Variants in DGKE observed in about 807,000 individuals in gnomAD.
The protein encoded by DGKE is diacylglycerol kinase epsilon, also known as DAG kinase epsilon.
In DGKE, 53 loss-of-function variants were observed where a neutral mutation model predicts 70.0. The ratio of observed to expected loss-of-function variants is 0.76; its 90% confidence interval spans 0.61 to 0.95. The LOEUF (loss-of-function observed/expected upper bound fraction) is 0.95. Ranked by LOEUF, DGKE falls within the 40% of genes least tolerant of loss-of-function variation. The pLI is 0.00. For synonymous variants in DGKE, 291 were observed against 257.0 expected (o/e 1.13, Z -1.27); for missense variants, 655 against 706.9 (o/e 0.93, Z 0.83).
chr17:56,869,042 T>TAAA lies in DGKE; in HGVS notation c.*6253_*6254insAAA, dbSNP rs1908643654. The TAAA allele has an allele frequency of 3.7e-5, 2 of 53,694 alleles. No homozygotes were observed. Among genetic ancestry groups the TAAA allele is most frequent in the South Asian group, 9.0e-4 (2 of 2,224 alleles). The allele number at this position is 53,694 out of a possible 1,614,324, so 3.3% of individuals were successfully genotyped here. A position where few individuals can be genotyped will look rare whatever the true frequency, so the allele number is the denominator to read the frequency against. On this transcript the variant is annotated 3_prime_UTR_variant, in exon 12 of 12. Transcript: ENST00000284061. ...AAACCCAGCCTCTACTACTGTAACT[T>TAAA]AACACTTGTTCTTCCTGAGCCTCAA...
At chr17:56,859,169 A>G (rs1479583703) in intron 9 of DGKE, among the ~76,000 whole-genome samples, 2 of 151,318 alleles carry the variant, frequency 1.3e-5, no homozygotes, top group African/African-American at 2.4e-5. Context: ...ATACAAAAAA[A>G]AAAAAATTAG....
chr17:56,844,141 A>G lies in DGKE; in HGVS notation c.587A>G (p.Asn196Ser). 6.4e-7 allele frequency: 1 copy of G among 1,562,518 alleles called. No homozygotes were observed. Among genetic ancestry groups the G allele is most frequent in the Non-Finnish European group, 8.6e-7 (1 of 1,159,246 alleles). ...CCACCAAGTTATTTAACATCCATTA[A>G]TCAGATGCGTAAAGACAAAAAAACA... ...IIPPSYLTSI[N>S]QMRKDKKTDY... The change falls in exon 3 of 12, where the codon AAT (asparagine) becomes AGT (serine). Residue 196 changes from asparagine to serine, a missense_variant. Physicochemically the swap from Asn to Ser is conservative, Grantham distance 46 (BLOSUM62 1). Coordinates refer to ENST00000284061, the MANE Select transcript of DGKE (RefSeq NM_003647.3).
intron 9 of DGKE, among the ~76,000 whole-genome samples, chr17:56,859,425 T>C (rs1598047376): frequency 6.6e-6 from 1 of 151,528 alleles, no homozygotes; most frequent in Non-Finnish European, 1.5e-5. Context: ...GATATGGCAG[T>C]CTTTTTTTTT....
chr17:56,848,816 C>T lies in DGKE; in HGVS notation c.1009C>T (p.Arg337Ter), dbSNP rs762576212. The T allele has an allele frequency of 2.5e-6, 4 of 1,613,866 alleles. No homozygotes were observed. Among genetic ancestry groups the T allele is most frequent in the East Asian group, 2.2e-5 (1 of 44,874 alleles). ...AGAAATTCCAGTTGCGCAGGTTTTG[C>T]GAAATGTAATGGAAGCAGATGGAAT... ...AGEIPVAQVL[R>*]NVMEADGIKL... The change falls in exon 6 of 12, where the codon CGA becomes TGA. Residue 337 changes from arginine (R) to a stop codon, truncating the protein, a stop_gained. Transcript: ENST00000284061. LOFTEE classifies it high-confidence loss of function.
chr17:56,848,262 A>G (rs1567815915), intron 5 of DGKE, among the ~76,000 whole-genome samples, 197 bp downstream of exon 5: 1 of 152,052 alleles, frequency 6.6e-6, no homozygotes, highest in Non-Finnish European at 1.5e-5. Flanking sequence ...GGTTCAAGCC[A>G]TCCTCCCACC....
At chr17:56,840,951 G>C (rs1192830556) in intron 2 of DGKE, among the ~76,000 whole-genome samples, 1 of 149,820 alleles carries the variant, frequency 6.7e-6, no homozygotes, top group Non-Finnish European at 1.5e-5. Context: ...GTGAGACACT[G>C]TCTCTTAAAA....
At chr17:56,853,862 C>T (rs1380039212) in intron 7 of DGKE, among the ~76,000 whole-genome samples, 1 of 151,862 alleles carries the variant, frequency 6.6e-6, no homozygotes, top group Non-Finnish European at 1.5e-5. Context: ...TCCATGCTGC[C>T]ATGTTCATTG....
chr17:56,848,112 T>G (rs761174038), intron 5 of DGKE, 47 bp downstream of exon 5: 32 of 1,022,944 alleles, frequency 3.1e-5, no homozygotes, highest in Non-Finnish European at 3.9e-5. Context: ...AAGATAAATA[T>G]ACTATACATA....
intron 7 of DGKE, among the ~76,000 whole-genome samples, chr17:56,853,343 CATATCAAACAA>C (rs1452583707): frequency 6.6e-6 from 1 of 152,166 alleles, no homozygotes; most frequent in African/African-American, 2.4e-5. Context: ...CTTTTGAGAT[CATATCAAACAA>C]ATATCAAACA....
intron 7 of DGKE, 63 bp downstream of exon 7, chr17:56,849,295 G>T: frequency 6.9e-7 from 1 of 1,459,166 alleles, no homozygotes; most frequent in Non-Finnish European, 9.4e-7. Context: ...ACGGCACTCT[G>T]TGGTGGGATA....
At chr17:56,852,903 A>G (rs1351533017) in intron 7 of DGKE, among the ~76,000 whole-genome samples, 1 of 152,112 alleles carries the variant, frequency 6.6e-6, no homozygotes, top group Non-Finnish European at 1.5e-5. Context: ...ATTTTTTTGG[A>G]TTTTGGAATA....
At position 56,835,176 on chromosome 17, in the gene DGKE, G is replaced by A. The variant is rs1488289743; in HGVS notation, c.381G>A (p.Trp127Ter). 1.2e-6 allele frequency: 2 copies of A among 1,613,972 alleles called. No homozygotes were observed. The highest frequency in any genetic ancestry group is 1.7e-6 in the Non-Finnish European group (2 of 1,180,044). ...TCCTGGACGCCATGCCCCACCACTG[G>A]ATCCGGGGCAACGTGCCCCTGTGCA... is the stretch of plus-strand genomic sequence containing the variant. ...TKVLDAMPHH[W>*]IRGNVPLCSY... is the part of the protein sequence containing the mutation. The change falls in exon 2 of 12, where the codon TGG (tryptophan) becomes TGA (stop). Residue 127 changes from tryptophan (W) to a stop codon, truncating the protein, a stop_gained. Coordinates refer to ENST00000284061, the MANE Select transcript of DGKE (RefSeq NM_003647.3). LOFTEE classifies it high-confidence loss of function.
chr17:56,844,249 A>C (rs753380196), intron 3 of DGKE, 71 bp downstream of exon 3: 153 of 1,047,286 alleles, frequency 1.5e-4, no homozygotes, highest in Middle Eastern at 3.4e-4. Flanking sequence ...TGAGATAGTT[A>C]AGACAGTATG....
At position 56,869,462 on chromosome 17, in the gene DGKE, T is replaced by G. The variant is rs1299318883; in HGVS notation, c.*6671T>G. 1 of 152,248 alleles carries G rather than the reference T, an allele frequency of 6.6e-6. No homozygotes were observed. Among genetic ancestry groups the G allele is most frequent in the East Asian group, 1.9e-4 (1 of 5,204 alleles). The allele number at this position is 152,248 out of a possible 1,614,324, so 9.4% of individuals were successfully genotyped here. A position where few individuals can be genotyped will look rare whatever the true frequency, so the allele number is the denominator to read the frequency against. On this transcript the variant is annotated 3_prime_UTR_variant, in exon 12 of 12. Transcript: ENST00000284061. Reference sequence around the variant, plus strand: ...TGGCATGTAACATCTTTTATTCATTTTATTAGGCATTAGAGGAAGAATATT... The same window carrying G: ...TGGCATGTAACATCTTTTATTCATTGTATTAGGCATTAGAGGAAGAATATT...
intron 2 of DGKE, among the ~76,000 whole-genome samples, chr17:56,842,347 C>G (rs1468995670): frequency 6.6e-6 from 1 of 152,074 alleles, no homozygotes; most frequent in African/African-American, 2.4e-5. Flanking sequence ...AAAACATAGC[C>G]TAAAAACTTA....
chr17:56,843,924 T>G, intron 2 of DGKE, 95 bp from the exon 3 acceptor site: 1 of 1,233,056 alleles, frequency 8.1e-7, no homozygotes. Flanking sequence ...AGTGATAAAA[T>G]TATGTTTTAT....
intron 2 of DGKE, among the ~76,000 whole-genome samples, chr17:56,840,061 G>A (rs1360326550): frequency 6.6e-6 from 1 of 152,050 alleles, no homozygotes; most frequent in East Asian, 2.0e-4. Context: ...CTACTCGGGA[G>A]GCTGAGGCAG....
chr17:56,858,773 A>G (rs1407818818), intron 9 of DGKE, 108 bp downstream of exon 9: 1 of 787,078 alleles, frequency 1.3e-6, no homozygotes, highest in African/African-American at 1.8e-5. Flanking sequence ...GCCAGCATAC[A>G]TAGAGTATTT....
At chr17:56,859,639 C>T (rs1908173453) in intron 9 of DGKE, among the ~76,000 whole-genome samples, 1 of 151,960 alleles carries the variant, frequency 6.6e-6, no homozygotes, top group African/African-American at 2.4e-5. Context: ...AGGATGGTCT[C>T]GATCTCCTGA....
Sources: gnomAD v4.1 joint callset for allele counts (sites outside exome capture counted in the v4.1 genomes callset) on GRCh38, gnomAD v4.1.1 for gene constraint, MANE v1.5 for transcripts, NCBI Gene and HGNC (gene_info 2026-07-23, HGNC 2026-07-21) for gene names.